The following VAC14 variants were observed in gnomAD, a reference collection of about 807,000 sequenced individuals.
VAC14 encodes VAC14 component of PIKFYVE complex, also known as protein VAC14 homolog.
Under a neutral mutation model 85.3 loss-of-function variants are expected in VAC14, and 47 were observed. That is an observed-to-expected ratio of 0.55 (90% CI 0.44 to 0.70). VAC14 has a LOEUF of 0.70. Among genes scored for constraint, VAC14 ranks in the 30% least tolerant of loss-of-function variants. VAC14 has a pLI of 0.00. For synonymous variants in VAC14, 447 were observed against 430.5 expected, an observed-to-expected ratio of 1.04 and a Z score of -0.47; for missense variants, 861 against 1,004.3, an observed-to-expected ratio of 0.86 and a Z score of 1.93.
At chr16:70,753,015 T>G (rs908305038) in intron 12 of VAC14, among the ~76,000 whole-genome samples, 1 of 143,730 alleles carries the variant, frequency 7.0e-6, no homozygotes, top group East Asian at 2.0e-4. Flanking sequence ...GGAGGGGGTG[T>G]GTGTGTGTGT....
At chr16:70,754,812 GT>G (rs1302876039) in intron 12 of VAC14, among the ~76,000 whole-genome samples, 1 of 152,160 alleles carries the variant, frequency 6.6e-6, no homozygotes, top group Non-Finnish European at 1.5e-5. Context: ...GTGGAGGGGT[GT>G]TTTTGTTTGT....
chr16:70,752,869 G>A (rs540727031), intron 12 of VAC14, among the ~76,000 whole-genome samples: 1 of 152,266 alleles, frequency 6.6e-6, no homozygotes, highest in South Asian at 2.1e-4. Context: ...CACCTACTGT[G>A]GGCTGAATGG....
In VAC14 at chr16:70,698,820, C is replaced by T; in HGVS notation, c.1662-9G>A. Reference sequence around the variant, plus strand: ...GCAGGAGGCACAGCTGCCTGGAGAGCAGGCAGACTGGGGTCAGGGCGCAGG... The same window carrying T: ...GCAGGAGGCACAGCTGCCTGGAGAGTAGGCAGACTGGGGTCAGGGCGCAGG... On this transcript the variant is annotated splice_polypyrimidine_tract_variant and intron_variant, in intron 14 of 18. Coordinates refer to ENST00000261776, the MANE Select transcript of VAC14 (RefSeq NM_018052.5). 6.2e-7 allele frequency: 1 copy of T among 1,613,278 alleles called. No individual in the cohort carries two copies. Among genetic ancestry groups the T allele is most frequent in the Non-Finnish European group, 8.5e-7 (1 of 1,179,826 alleles).
At position 70,761,014 on chromosome 16, in the gene VAC14, TGTGTGCATGGGGGG is replaced by T. The variant is rs777614251; in HGVS notation, c.1371+1512_1371+1525del. On this transcript the variant is annotated intron_variant, in intron 12 of 18. Transcript: ENST00000261776. ...GTGTGTGTGTGTGTGTGTGTGTGTG[TGTGTGCATGGGGGG>T]GCGGGGGGTAGGCAGGAGAGGCCAA... The T allele has an allele frequency of 4.3e-4, 132 of 307,910 alleles. 4 individuals carry two copies. The highest frequency in any genetic ancestry group is 1.6e-3 in the East Asian group (17 of 10,764). 19.1% of individuals were successfully genotyped at this position (307,910 alleles called of 1,614,324 possible).
chr16:70,709,314 C>T (rs756900620), intron 14 of VAC14, among the ~76,000 whole-genome samples: 1 of 152,084 alleles, frequency 6.6e-6, no homozygotes, highest in South Asian at 2.1e-4. Context: ...GCCTACACAG[C>T]ACAGAGCCTT....
intron 13 of VAC14, among the ~76,000 whole-genome samples, chr16:70,732,374 G>A (rs780012941): frequency 2.0e-5 from 3 of 152,286 alleles, no homozygotes; most frequent in East Asian, 3.9e-4. Flanking sequence ...TGTCTCTGAC[G>A]CGTGTCCCAG....
Position 70,705,408 on chromosome 16 carries a change from G to A in VAC14, c.1662-6597C>T, listed in dbSNP as rs1266348099. 2.6e-5 allele frequency among the ~76,000 whole-genome samples: 4 copies of A among 152,384 alleles called. No individual in the cohort carries two copies. In the East Asian group the frequency reaches 5.8e-4, roughly 22 times the overall value. On this transcript the variant is annotated intron_variant, in intron 14 of 18. Coordinates refer to ENST00000261776, the MANE Select transcript of VAC14 (RefSeq NM_018052.5). ...TGGTGGACGCAGCCTGCCTCTCTGC[G>A]CAGGTGGGCCAACCTGGCGCTCAAG...
At chr16:70,784,653 C>A in intron 4 of VAC14, 123 bp downstream of exon 4, 1 of 943,158 alleles carries the variant, frequency 1.1e-6, no homozygotes, top group Non-Finnish European at 1.7e-6. Flanking sequence ...CCAGGGAGTA[C>A]ATGTAAATTT....
At chr16:70,691,998 C>A in intron 18 of VAC14, 2 of 984,950 alleles carry the variant, frequency 2.0e-6, no homozygotes, top group South Asian at 4.7e-5. Flanking sequence ...AAGCTGGGCG[C>A]GCTCCATTCA....
In VAC14 at chr16:70,688,033, G is replaced by A. The variant is rs147699666; in HGVS notation, c.2244C>T (p.Tyr748=). The change falls in exon 19 of 19, where the codon TAC becomes TAT. Residue 748 remains tyrosine, a synonymous_variant. Coordinates refer to ENST00000261776, the MANE Select transcript of VAC14 (RefSeq NM_018052.5). The part of the protein sequence containing the change: ...SQKADSPSID[Y]AELLQHFEKV... ...TCTCAAAGTGCTGCAGCAGCTCTGC[G>A]TAGTCGATGCTAGGGGAGTCAGCTT... The A allele has an allele frequency of 2.7e-4, 427 of 1,605,192 alleles. No individual in the cohort carries two copies. The highest frequency in any genetic ancestry group is 3.5e-4 in the Non-Finnish European group (410 of 1,174,922).
intron 13 of VAC14, among the ~76,000 whole-genome samples, chr16:70,742,171 G>T (rs1046901228): frequency 1.3e-5 from 2 of 152,206 alleles, no homozygotes; most frequent in Non-Finnish European, 2.9e-5. Flanking sequence ...GTTCTCTGCT[G>T]CTGCCACTTT....
chr16:70,799,431 G>C (rs2034675516), intron 1 of VAC14, among the ~76,000 whole-genome samples: 1 of 152,158 alleles, frequency 6.6e-6, no homozygotes, highest in Admixed American at 6.5e-5. Context: ...GAGGCAGGGT[G>C]GGGGATTTCT....
intron 18 of VAC14, chr16:70,690,417 C>T (rs960327841): frequency 1.0e-6 from 1 of 985,626 alleles, no homozygotes; most frequent in Non-Finnish European, 1.2e-6. Flanking sequence ...GCCCACAGCA[C>T]AGTGTGGCAA....
At chr16:70,729,693 C>T (rs754015494) in intron 14 of VAC14, among the ~76,000 whole-genome samples, 1 of 152,070 alleles carries the variant, frequency 6.6e-6, no homozygotes, top group Non-Finnish European at 1.5e-5. Context: ...GTCTGGAACA[C>T]GTAGGGTTCA....
intron 18 of VAC14, chr16:70,689,134 C>T: frequency 4.1e-6 from 4 of 979,564 alleles, no homozygotes; most frequent in Non-Finnish European, 4.9e-6. Context: ...ACCATAACTC[C>T]ACCGCTTCCT....
chr16:70,742,972 A>C (rs2030494223), intron 13 of VAC14, among the ~76,000 whole-genome samples: 1 of 151,924 alleles, frequency 6.6e-6, no homozygotes, highest in African/African-American at 2.4e-5. Flanking sequence ...TGCACCAATC[A>C]GCACTCTGTA....
At chr16:70,721,437 G>C (rs1334428000) in intron 14 of VAC14, among the ~76,000 whole-genome samples, 1 of 152,084 alleles carries the variant, frequency 6.6e-6, no homozygotes, top group African/African-American at 2.4e-5. Flanking sequence ...CGAGAAAGAC[G>C]AGGGGGAGGA....
Position 70,744,424 on chromosome 16 carries a change from A to G in VAC14, c.1527T>C (p.Ser509=), listed in dbSNP as rs772418427. 4 of 1,614,006 alleles carry G rather than the reference A, an allele frequency of 2.5e-6. No individual in the cohort carries two copies. In the South Asian group the frequency reaches 3.3e-5, roughly 13 times the overall value. ...TAGAACCTTCAGGAGAAGACTTACC[A>G]GAGGTGTTCAGTAGGCCGGCTCTGC... ...TPGRAGLLNT[S]GTKGLECSPS... The change falls in exon 13 of 19, where the codon TCT becomes TCC. Residue 509 remains serine (S), a splice_region_variant and synonymous_variant. Transcript: ENST00000261776.
intron 10 of VAC14, among the ~76,000 whole-genome samples, chr16:70,765,377 A>G (rs954793405): frequency 1.3e-5 from 2 of 152,196 alleles, no homozygotes; most frequent in Non-Finnish European, 2.9e-5. Context: ...GGGCAGGATC[A>G]GTGGTGTGTC....
Sources: gnomAD v4.1 joint callset for allele counts (sites outside exome capture counted in the v4.1 genomes callset) on GRCh38, gnomAD v4.1.1 for gene constraint, MANE v1.5 for transcripts, NCBI Gene and HGNC (gene_info 2026-07-23, HGNC 2026-07-21) for gene names.